Variants in UBR4 observed in about 807,000 individuals in gnomAD.
UBR4 encodes E3 ubiquitin-protein ligase UBR4.
A neutral mutation model predicts 575.6 loss-of-function variants in UBR4; 124 were observed. The ratio of observed to expected loss-of-function variants is 0.22; its 90% CI spans 0.19 to 0.25. UBR4 has a LOEUF of 0.25. UBR4 is among the 10% of genes least tolerant of loss of function. The probability of loss-of-function intolerance (pLI) is 1.00; values close to 1 mark genes in which losing one functional copy is unlikely to be tolerated. For missense variants in UBR4, 4,818 were observed against 6,478.8 expected, an observed-to-expected ratio of 0.74 and a Z score of 8.80; for synonymous variants, 2,455 against 2,473.7, an observed-to-expected ratio of 0.99 and a Z score of 0.22.
Position 19,165,358 on chromosome 1 carries a change from C to G in UBR4, c.4212-9G>C, listed in dbSNP as rs1571333665. On this transcript the variant is annotated splice_polypyrimidine_tract_variant and intron_variant, in intron 30 of 105. Coordinates refer to ENST00000375254, the MANE Select transcript of UBR4 (RefSeq NM_020765.3). ...TCTGTACAAGTTCTCCACTGGGAGGCAAGATGGGAGAAAAATGGAAAGAAT... is the reference window on the plus strand; with the variant it reads ...TCTGTACAAGTTCTCCACTGGGAGGGAAGATGGGAGAAAAATGGAAAGAAT... 6.2e-7 allele frequency: 1 copy of G among 1,600,538 alleles called. No individual in the cohort carries two copies. Among genetic ancestry groups the G allele is most frequent in the Non-Finnish European group, 8.5e-7 (1 of 1,170,742 alleles).
chr1:19,187,609 G>A, intron 11 of UBR4, 69 bp from the exon 12 acceptor site: 1 of 1,513,802 alleles, frequency 6.6e-7, no homozygotes, highest in South Asian at 1.2e-5. Flanking sequence ...CTGAAGCAGT[G>A]GATCTTGCCA....
At chr1:19,164,768 G>C in intron 32 of UBR4, 31 bp downstream of exon 32, 1 of 1,607,038 alleles carries the variant, frequency 6.2e-7, no homozygotes, top group East Asian at 2.2e-5. Flanking sequence ...GGGGTTGCTA[G>C]GGAAACACGA....
chr1:19,086,255 C>T lies in UBR4; in HGVS notation c.14703G>A (p.Arg4901=). 6.2e-7 allele frequency: 1 copy of T among 1,612,842 alleles called. No individual in the cohort carries two copies. The part of the protein sequence containing the change: ...HLAAVRLARG[R]EEWESAALQN... ...GCAGGGCGGCACTCTCCCACTCTTC[C>T]CGGCCTCGAGCCAACCTGGATAGGG... The change falls in exon 101 of 106, where the codon CGG becomes CGA. Residue 4901 remains arginine (R), a synonymous_variant. Coordinates refer to ENST00000375254, the MANE Select transcript of UBR4 (RefSeq NM_020765.3).
chr1:19,105,529 A>AGCT lies in UBR4; in HGVS notation c.12503+201_12503+203dup, dbSNP rs999709477. Among the ~76,000 whole-genome samples the AGCT allele has an allele frequency of 5.3e-5, 8 of 152,344 alleles. No individual in the cohort carries two copies. The East Asian group carries it at 5.8e-4, about 11-fold the overall frequency. On this transcript the variant is annotated intron_variant, in intron 84 of 105. Transcript: ENST00000375254. ...TTAGCTGCATAAGATCTCAAATATT[A>AGCT]GCTGCTGCTGCTGCTAACACCCTCA...
intron 1 of UBR4, among the ~76,000 whole-genome samples, chr1:19,203,138 A>G (rs1276173084): frequency 6.6e-6 from 1 of 152,104 alleles, no homozygotes; most frequent in Non-Finnish European, 1.5e-5. Context: ...ATATTTTATT[A>G]AATGGAAAGA....
At chr1:19,150,372 C>T (rs188452212) in intron 49 of UBR4, among the ~76,000 whole-genome samples, 1 of 152,272 alleles carries the variant, frequency 6.6e-6, no homozygotes, top group East Asian at 1.9e-4. Context: ...CAGGGAGAGA[C>T]TCTGGTGTCA....
At position 19,162,553 on chromosome 1, in the gene UBR4, T is replaced by C; in HGVS notation, c.4823A>G (p.Asn1608Ser). Residue 1608 changes from asparagine to serine, a missense_variant, in exon 35 of 106, where the codon AAT becomes AGT. By Grantham distance (46) the Asn-to-Ser change is conservative. Transcript: ENST00000375254. ...TTGACCATTACTCTGGCTCAGGGCA[T>C]TCGTGACATCAGCCAAGTAAGACAT... Reference protein sequence around the residue: ...HIMSYLADVTNALSQSNGQGP... With the variant: ...HIMSYLADVTSALSQSNGQGP... 1 of 1,614,148 alleles carries C rather than the reference T, an allele frequency of 6.2e-7. No individual in the cohort carries two copies. The highest frequency in any genetic ancestry group is 1.1e-5 in the South Asian group (1 of 91,080).
At chr1:19,103,233 A>G (rs2078833284) in intron 87 of UBR4, among the ~76,000 whole-genome samples, 1 of 152,246 alleles carries the variant, frequency 6.6e-6, no homozygotes, top group South Asian at 2.1e-4. Context: ...GAATTATCAG[A>G]CACAAATGTT....
At position 19,198,510 on chromosome 1, in the gene UBR4, G is replaced by C. The variant is rs2092588309; in HGVS notation, c.648+31C>G. On this transcript the variant is annotated intron_variant, in intron 5 of 105. Transcript: ENST00000375254. ...TGTTATCATCTTAACAAAACCCACA[G>C]AGAAGAAGACATTTGACTAAAGAAA... The C allele has an allele frequency of 3.8e-6, 6 of 1,599,766 alleles. 1 individual carries two copies. In the African/African-American group the frequency reaches 5.4e-5, roughly 14 times the overall value.
chr1:19,193,676 T>C, intron 8 of UBR4, 119 bp from the exon 9 acceptor site: 1 of 1,327,150 alleles, frequency 7.5e-7, no homozygotes, highest in Non-Finnish European at 1.0e-6. Context: ...TTAAAATAAA[T>C]GCCATTAAGA....
chr1:19,175,679 A>C (rs1355167419), intron 20 of UBR4, among the ~76,000 whole-genome samples: 1 of 152,222 alleles, frequency 6.6e-6, no homozygotes, highest in African/African-American at 2.4e-5. Flanking sequence ...CATTAGAACC[A>C]CAACTCTAAG....
At position 19,187,247 on chromosome 1, in the gene UBR4, A is replaced by G. The variant is rs889328360; in HGVS notation, c.1549T>C (p.Ser517Pro). Residue 517 changes from serine (S) to proline (P), a missense_variant, in exon 13 of 106, where the codon TCC becomes CCC. Coordinates refer to ENST00000375254, the MANE Select transcript of UBR4 (RefSeq NM_020765.3). ...AALSIMAQST[S>P]IQRIQRLIDS... Reference sequence around the variant, plus strand: ...ATCAGCCGTTGAATCCTCTGTATGGAGGTGCTCTGGGCCATAATGCTCAAG... The same window carrying G: ...ATCAGCCGTTGAATCCTCTGTATGGGGGTGCTCTGGGCCATAATGCTCAAG... 3.1e-6 allele frequency: 5 copies of G among 1,613,976 alleles called. No homozygotes were observed. Among genetic ancestry groups the G allele is most frequent in the Non-Finnish European group, 2.5e-6 (3 of 1,179,962 alleles).
At chr1:19,098,107 C>G (rs970220208) in intron 90 of UBR4, among the ~76,000 whole-genome samples, 2 of 152,182 alleles carry the variant, frequency 1.3e-5, no homozygotes, top group African/African-American at 4.8e-5. Flanking sequence ...ATTCAAGCAG[C>G]CTGCCTCCAA....
intron 60 of UBR4, among the ~76,000 whole-genome samples, chr1:19,129,940 A>G (rs1338724709): frequency 1.3e-5 from 2 of 151,938 alleles, no homozygotes; most frequent in East Asian, 3.9e-4. Context: ...CCATATACCT[A>G]TTTTTTTTAA....
chr1:19,092,973 A>G, intron 96 of UBR4, 55 bp from the exon 97 acceptor site: 25 of 1,518,304 alleles, frequency 1.6e-5, no homozygotes, highest in Non-Finnish European at 2.3e-5. Flanking sequence ...GCTACCTAGA[A>G]ACCAGTTGTT....
chr1:19,093,936 C>A lies in UBR4; in HGVS notation c.13937+13G>T. The A allele has an allele frequency of 6.2e-7, 1 of 1,604,574 alleles. No individual in the cohort carries two copies. The highest frequency in any genetic ancestry group is 8.5e-7 in the Non-Finnish European group (1 of 1,173,216). ...AGACTCTCATTTCACTATATGAAAT[C>A]AAAGTAACATACTTATCAAAGTTGC... On this transcript the variant is annotated intron_variant, in intron 95 of 105. Coordinates refer to ENST00000375254, the MANE Select transcript of UBR4 (RefSeq NM_020765.3). This position sits in a 1 kb window ranked among gnomAD's most constrained non-coding sequence, Gnocchi z 4.8.
chr1:19,135,023 A>G (rs966585592), intron 60 of UBR4, among the ~76,000 whole-genome samples: 12 of 152,150 alleles, frequency 7.9e-5, no homozygotes, highest in Non-Finnish European at 1.5e-4. Context: ...CCAAGTTATG[A>G]AGACATTTTG....
intron 59 of UBR4, among the ~76,000 whole-genome samples, 196 bp downstream of exon 59, chr1:19,138,887 G>A (rs2083496342): frequency 6.6e-6 from 1 of 152,086 alleles, no homozygotes; most frequent in African/African-American, 2.4e-5. Context: ...AACCCCCTGA[G>A]CTTAAGCCAC....
At chr1:19,150,299 G>C (rs1234755893) in intron 49 of UBR4, among the ~76,000 whole-genome samples, 1 of 152,188 alleles carries the variant, frequency 6.6e-6, no homozygotes, top group Admixed American at 6.5e-5. Flanking sequence ...CGTCTAGCCT[G>C]TGGCCTCTGG....
Sources: allele counts gnomAD v4.1 joint callset (sites outside exome capture counted in the v4.1 genomes callset), GRCh38; gene constraint gnomAD v4.1.1; non-coding constraint Gnocchi (gnomAD v3.1); transcripts MANE v1.5; gene names NCBI Gene and HGNC (gene_info 2026-07-23, HGNC 2026-07-21).